The following PPHLN1 variants were observed in gnomAD, a reference collection of about 807,000 sequenced individuals.
PPHLN1 encodes the protein periphilin-1.
PPHLN1 carries 29 observed loss-of-function variants against 51.3 expected under a neutral mutation model. The ratio of observed to expected loss-of-function variants is 0.57; its 90% CI spans 0.42 to 0.77. The LOEUF (loss-of-function observed/expected upper bound fraction) is 0.77. Among genes scored for constraint, PPHLN1 ranks in the 30% least tolerant of loss-of-function variants. The pLI, the probability that PPHLN1 is intolerant of heterozygous loss-of-function variation, is 0.00. For missense variants in PPHLN1, 436 were observed against 438.4 expected (o/e 0.99, Z 0.05); for synonymous variants, 147 against 147.8 (o/e 0.99, Z 0.04).
At chr12:42,345,552 G>T (rs2072183884) in intron 2 of PPHLN1, among the ~76,000 whole-genome samples, 1 of 151,136 alleles carries the variant, frequency 6.6e-6, no homozygotes, top group Non-Finnish European at 1.5e-5. Context: ...GGAAATTCTA[G>T]TAACATCCAC....
chr12:42,349,142 G>T (rs1047301639), intron 2 of PPHLN1, among the ~76,000 whole-genome samples: 7 of 152,144 alleles, frequency 4.6e-5, no homozygotes, highest in Non-Finnish European at 1.0e-4. Flanking sequence ...AGTCATTAGG[G>T]CTAAGAAGTA....
chr12:42,428,661 G>A (rs533312677), intron 9 of PPHLN1, among the ~76,000 whole-genome samples: 4 of 151,904 alleles, frequency 2.6e-5, no homozygotes, highest in African/African-American at 9.7e-5. Context: ...CCACATATTG[G>A]GTGCAGTGTA....
intron 9 of PPHLN1, among the ~76,000 whole-genome samples, chr12:42,440,541 AC>A (rs1317330546): frequency 6.6e-6 from 1 of 152,248 alleles, no homozygotes; most frequent in African/African-American, 2.4e-5. Context: ...ATGTTGTCTA[AC>A]TTGGTTAATA....
At chr12:42,407,745 ATACC>A in intron 9 of PPHLN1, among the ~76,000 whole-genome samples, 1 of 152,358 alleles carries the variant, frequency 6.6e-6, no homozygotes, top group South Asian at 2.1e-4. Flanking sequence ...ATTATTTATA[ATACC>A]TAATGCAATG....
intron 9 of PPHLN1, among the ~76,000 whole-genome samples, chr12:42,412,198 C>G (rs1460928641): frequency 6.6e-6 from 1 of 152,006 alleles, no homozygotes; most frequent in Non-Finnish European, 1.5e-5. Flanking sequence ...GAGCGAGACT[C>G]TTGTCTCAAA....
At chr12:42,356,734 A>G (rs2138337679) in intron 4 of PPHLN1, among the ~76,000 whole-genome samples, 1 of 152,338 alleles carries the variant, frequency 6.6e-6, no homozygotes, top group Admixed American at 6.5e-5. Flanking sequence ...TTGACCGGGT[A>G]ATTGGGCATT....
intron 5 of PPHLN1, among the ~76,000 whole-genome samples, chr12:42,381,186 CT>C (rs2076729880): frequency 6.6e-6 from 1 of 152,124 alleles, no homozygotes; most frequent in Non-Finnish European, 1.5e-5. Flanking sequence ...ACATATTCTT[CT>C]TGTTTGAGGA....
At chr12:42,435,994 T>C (rs2082446025) in intron 9 of PPHLN1, among the ~76,000 whole-genome samples, 1 of 152,216 alleles carries the variant, frequency 6.6e-6, no homozygotes, top group Non-Finnish European at 1.5e-5. Flanking sequence ...ATTTCACTAA[T>C]TAAAAATAAA....
intron 9 of PPHLN1, among the ~76,000 whole-genome samples, chr12:42,413,750 C>A (rs1359031488): frequency 6.6e-6 from 1 of 151,840 alleles, no homozygotes; most frequent in Non-Finnish European, 1.5e-5. Context: ...TTAATAGAGA[C>A]GAGGTTTCAG....
At chr12:42,411,089 TCTC>T (rs1398500688) in intron 9 of PPHLN1, among the ~76,000 whole-genome samples, 2 of 152,094 alleles carry the variant, frequency 1.3e-5, no homozygotes, top group Non-Finnish European at 2.9e-5. Context: ...TCCTCTATTT[TCTC>T]CTATTTTTAT....
intron 1 of PPHLN1, among the ~76,000 whole-genome samples, chr12:42,335,064 T>C (rs2070381292): frequency 1.3e-5 from 2 of 152,190 alleles, no homozygotes; most frequent in South Asian, 4.1e-4. Flanking sequence ...TACCCTATTC[T>C]CATTTTCTCT....
downstream of PPHLN1, chr12:42,446,057 ACCCTGCAGGCCCCGCAGC>A: frequency 6.5e-7 from 1 of 1,549,890 alleles, no homozygotes; most frequent in Non-Finnish European, 8.7e-7. Flanking sequence ...GAAGGAAACG[ACCCTGCAGGCCCCGCAGC>A]CCCCGCAGGC....
intron 4 of PPHLN1, among the ~76,000 whole-genome samples, chr12:42,360,117 A>AAAAAAAAAAAAAAG (rs2074472341): frequency 6.6e-6 from 1 of 151,184 alleles, no homozygotes; most frequent in South Asian, 2.1e-4. Context: ...TCTCAAAAAA[A>AAAAAAAAAAAAAAG]AAAAAAGAAA....
intron 4 of PPHLN1, among the ~76,000 whole-genome samples, chr12:42,372,461 A>G (rs1158211262): frequency 6.6e-6 from 1 of 152,184 alleles, no homozygotes; most frequent in Non-Finnish European, 1.5e-5. Flanking sequence ...CTATCCTGTA[A>G]GCAAGTTACC....
At chr12:42,357,980 C>T (rs1204376560) in intron 4 of PPHLN1, among the ~76,000 whole-genome samples, 1 of 152,152 alleles carries the variant, frequency 6.6e-6, no homozygotes, top group Non-Finnish European at 1.5e-5. Flanking sequence ...CATTCAGTCT[C>T]TGACTTTATG....
At chr12:42,411,849 T>C (rs2600918) in intron 9 of PPHLN1, among the ~76,000 whole-genome samples, 42,243 of 137,218 alleles carry the variant, frequency 0.31, 7,258 homozygotes, top group Middle Eastern at 0.39. Context: ...GGTTGCAGTG[T>C]GTGGAGATCG....
At chr12:42,333,028 G>C (rs899248086) in intron 1 of PPHLN1, among the ~76,000 whole-genome samples, 1 of 152,112 alleles carries the variant, frequency 6.6e-6, no homozygotes, top group Admixed American at 6.5e-5. Flanking sequence ...CAGCTACCTA[G>C]TTCTCCCCAG....
At chr12:42,378,436 G>A (rs984448459) in intron 5 of PPHLN1, among the ~76,000 whole-genome samples, 3 of 151,644 alleles carry the variant, frequency 2.0e-5, no homozygotes, top group African/African-American at 7.3e-5. Context: ...TTTCAAAAGA[G>A]GACTGAGACA....
chr12:42,414,522 A>ATT (rs1693419588), intron 9 of PPHLN1, among the ~76,000 whole-genome samples: 1 of 148,890 alleles, frequency 6.7e-6, no homozygotes, highest in South Asian at 2.1e-4. Flanking sequence ...ATTTTATTTT[A>ATT]TTTTATTTTT....
Sources: allele counts gnomAD v4.1 joint callset (sites outside exome capture counted in the v4.1 genomes callset), GRCh38; gene constraint gnomAD v4.1.1; transcripts MANE v1.5; gene names NCBI Gene and HGNC (gene_info 2026-07-23, HGNC 2026-07-21).